Variants in LRP1B observed in about 807,000 individuals in gnomAD.
The protein encoded by LRP1B is LDL receptor related protein 1B, also known as low-density lipoprotein receptor-related protein 1B.
In LRP1B, 217 loss-of-function variants were observed where a neutral mutation model predicts 556.6. The observed-to-expected ratio is 0.39, with a 90% CI of 0.35 to 0.44. LRP1B has a LOEUF of 0.44. Among genes scored for constraint, LRP1B ranks in the 20% least tolerant of loss-of-function variants. LRP1B has a pLI of 1.00. For missense variants in LRP1B, 5,053 were observed against 5,620.8 expected (o/e 0.90, Z 3.23); for synonymous variants, 2,047 against 1,865.8 (o/e 1.10, Z -2.50).
chr2:141,461,602 A>G (rs1681875768), intron 3 of LRP1B, among the ~76,000 whole-genome samples: 1 of 152,218 alleles, frequency 6.6e-6, no homozygotes, highest in Non-Finnish European at 1.5e-5. Flanking sequence ...GTCTATGTTG[A>G]CTGTATTTCA....
At chr2:140,979,530 A>G (rs1249037648) in intron 18 of LRP1B, among the ~76,000 whole-genome samples, 2 of 152,136 alleles carry the variant, frequency 1.3e-5, no homozygotes, top group African/African-American at 2.4e-5. Context: ...TCCTAATTCC[A>G]CATTCAGAGA....
chr2:141,542,687 A>G (rs1211542654), intron 2 of LRP1B, among the ~76,000 whole-genome samples: 1 of 152,188 alleles, frequency 6.6e-6, no homozygotes, highest in African/African-American at 2.4e-5. Context: ...GTATTAAAAC[A>G]GAATTAGCAG....
intron 35 of LRP1B, among the ~76,000 whole-genome samples, chr2:140,758,688 CT>C (rs1325094371): frequency 7.9e-5 from 12 of 151,808 alleles, no homozygotes; most frequent in Admixed American, 1.3e-4. Flanking sequence ...CATTAGTATC[CT>C]TTATTGTTAT....
At chr2:140,628,354 C>A (rs1280102847) in intron 41 of LRP1B, among the ~76,000 whole-genome samples, 2 of 151,902 alleles carry the variant, frequency 1.3e-5, no homozygotes, top group African/African-American at 4.8e-5. Context: ...CACGTGAAAC[C>A]CCGTCTCCAA....
rs60138085 is a variant in LRP1B at position 140,595,087 on chromosome 2, AATATATATATAT to A, written c.7194+3532_7194+3543del. On this transcript the variant is annotated intron_variant, in intron 43 of 90. Coordinates refer to ENST00000389484, the MANE Select transcript of LRP1B (RefSeq NM_018557.3). ...CTACTTAAAAATAAAATATAAATTGAATATATATATATATATATATATATATATATATATATA... is the reference window on the plus strand; with the variant it reads ...CTACTTAAAAATAAAATATAAATTGAATATATATATATATATATATATATA... 9.2e-3 allele frequency among the ~76,000 whole-genome samples: 914 copies of A among 99,600 alleles called. 12 individuals carry two copies. The highest frequency in any genetic ancestry group is 0.022 in the African/African-American group (668 of 29,778). The allele number at this position is 99,600 out of a possible 152,430, so 65.3% of individuals were successfully genotyped here.
At chr2:140,286,900 G>A (rs778768927) in intron 84 of LRP1B, among the ~76,000 whole-genome samples, 10 of 151,292 alleles carry the variant, frequency 6.6e-5, no homozygotes, top group East Asian at 1.9e-4. Flanking sequence ...ATAGATTATC[G>A]CACTTTAAAC....
chr2:141,215,867 C>A (rs1251833783), intron 6 of LRP1B, among the ~76,000 whole-genome samples: 3 of 152,152 alleles, frequency 2.0e-5, no homozygotes, highest in Non-Finnish European at 4.4e-5. Flanking sequence ...AAACAGGAAG[C>A]AGAGTATAAA....
chr2:141,489,547 T>C (rs2105109159), intron 2 of LRP1B, among the ~76,000 whole-genome samples: 1 of 152,086 alleles, frequency 6.6e-6, no homozygotes, highest in Admixed American at 6.6e-5. Context: ...AAAATTAGTA[T>C]ATAATATAAA....
intron 3 of LRP1B, among the ~76,000 whole-genome samples, chr2:141,425,383 T>C (rs1680321547): frequency 6.7e-6 from 1 of 149,690 alleles, no homozygotes; most frequent in African/African-American, 2.5e-5. Flanking sequence ...TAAACATATG[T>C]GTGCATGTGT....
At chr2:141,013,850 A>C in intron 13 of LRP1B, 105 bp from the exon 14 acceptor site, 39 of 587,046 alleles carry the variant, frequency 6.6e-5, no homozygotes, top group Non-Finnish European at 9.7e-5. Flanking sequence ...TAATAATCTC[A>C]TATCTTAACT....
chr2:141,433,737 C>T (rs772551448), intron 3 of LRP1B, among the ~76,000 whole-genome samples: 8 of 150,008 alleles, frequency 5.3e-5, no homozygotes, highest in Non-Finnish European at 8.9e-5. Context: ...TATGTCTGAG[C>T]GTGGTTCTCT....
chr2:141,760,912 T>C (rs918330908), intron 2 of LRP1B, among the ~76,000 whole-genome samples: 1 of 152,194 alleles, frequency 6.6e-6, no homozygotes, highest in Non-Finnish European at 1.5e-5. Flanking sequence ...CTCCCCACTT[T>C]ACTTTAGCAA....
intron 3 of LRP1B, among the ~76,000 whole-genome samples, chr2:141,389,206 T>C (rs1038078890): frequency 6.6e-6 from 1 of 152,188 alleles, no homozygotes; most frequent in African/African-American, 2.4e-5. Flanking sequence ...GGAGGACTCA[T>C]GTCCTGATTT....
At position 141,639,004 on chromosome 2, in the gene LRP1B, A is replaced by G. The variant is rs1370222638; in HGVS notation, c.206-158471T>C. On this transcript the variant is annotated intron_variant, in intron 2 of 90. Transcript: ENST00000389484. Reference sequence around the variant, plus strand: ...GAGTCTCAAAAAAAAATATATATATATATATATTGCCTAGCCTCTGGTGTT... The same window carrying G: ...GAGTCTCAAAAAAAAATATATATATGTATATATTGCCTAGCCTCTGGTGTT... Among the ~76,000 whole-genome samples, 5 of 59,446 alleles carry G rather than the reference A, an allele frequency of 8.4e-5. 1 individual carries two copies. The highest frequency in any genetic ancestry group is 2.5e-4 in the African/African-American group (5 of 19,930). The allele number at this position is 59,446 out of a possible 152,430, so 39.0% of individuals were successfully genotyped here.
Position 140,696,821 on chromosome 2 carries a change from GA to G in LRP1B, c.6799+3428del, listed in dbSNP as rs1281821621. On this transcript the variant is annotated intron_variant, in intron 41 of 90. Transcript: ENST00000389484. ...AAAACCATCCCCTGCCTTCGTCCAT[GA>G]AAAAATTATCTTCCATCAAACCAGT... Among the ~76,000 whole-genome samples the G allele has an allele frequency of 5.3e-5, 8 of 152,122 alleles. No individual in the cohort carries two copies. The South Asian group carries it at 1.2e-3, about 24-fold the overall frequency.
intron 3 of LRP1B, among the ~76,000 whole-genome samples, chr2:141,455,645 G>A (rs185105330): frequency 2.3e-3 from 357 of 152,138 alleles, no homozygotes; most frequent in African/African-American, 7.6e-3. Context: ...AATGCATTGC[G>A]TATCCTTAGC....
At chr2:140,583,769 ATTTTT>A in intron 43 of LRP1B, among the ~76,000 whole-genome samples, 1 of 151,898 alleles carries the variant, frequency 6.6e-6, no homozygotes, top group Admixed American at 6.6e-5. Flanking sequence ...CTTGATTTTT[ATTTTT>A]TTATATTCTC....
intron 1 of LRP1B, among the ~76,000 whole-genome samples, chr2:142,112,342 G>C (rs1707028275): frequency 6.6e-6 from 1 of 151,728 alleles, no homozygotes; most frequent in South Asian, 2.1e-4. Flanking sequence ...AATAGGGAGG[G>C]ACTACAATTC....
rs113009077 is a variant in LRP1B, at chr2:140,619,074, TACACAC to T, written c.6800-17441_6800-17436del. Among the ~76,000 whole-genome samples the T allele has an allele frequency of 9.1e-3, 1,327 of 146,562 alleles. 5 individuals carry two copies. Among genetic ancestry groups the T allele is most frequent in the African/African-American group, 0.012 (460 of 39,684 alleles). Reference sequence around the variant, plus strand: ...GAATCTGATGGTATGTATATCTATCTACACACACACACACACACACACACACACACA... The same window carrying T: ...GAATCTGATGGTATGTATATCTATCTACACACACACACACACACACACACA... On this transcript the variant is annotated intron_variant, in intron 41 of 90. Coordinates refer to ENST00000389484, the MANE Select transcript of LRP1B (RefSeq NM_018557.3).
Sources: gnomAD v4.1 joint callset for allele counts (sites outside exome capture counted in the v4.1 genomes callset) on GRCh38, gnomAD v4.1.1 for gene constraint, MANE v1.5 for transcripts, NCBI Gene and HGNC (gene_info 2026-07-23, HGNC 2026-07-21) for gene names.